TRAPPC9: variants seen among roughly 807,000 people sequenced by gnomAD.
The protein encoded by TRAPPC9 is IKK2 binding protein.
A neutral mutation model predicts 124.0 loss-of-function variants in TRAPPC9; 83 were observed. That is an observed-to-expected ratio of 0.67 (90% confidence interval 0.56 to 0.80). The LOEUF (loss-of-function observed/expected upper bound fraction) is 0.80, where lower values mean the gene tolerates loss of function less well. TRAPPC9 is among the 30% of genes least tolerant of loss of function. The pLI is 0.00. For synonymous variants in TRAPPC9, 638 were observed against 617.5 expected (o/e 1.03, Z -0.49); for missense variants, 1,302 against 1,508.3 (o/e 0.86, Z 2.27).
chr8:139,855,537 C>T (rs192580632), intron 21 of TRAPPC9, among the ~76,000 whole-genome samples: 197 of 152,328 alleles, frequency 1.3e-3, no homozygotes, highest in African/African-American at 4.6e-3. Context: ...AGTGCTTACA[C>T]GACGCGTCAT....
rs765468362 is a variant in TRAPPC9, at chr8:140,426,603, T to C, written c.886+12A>G. 35 of 1,613,234 alleles carry C rather than the reference T, an allele frequency of 2.2e-5. No homozygotes were observed. The highest frequency in any genetic ancestry group is 2.9e-5 in the Non-Finnish European group (34 of 1,179,424). ...AAATAACCAAAAGAAACTAAACACATAGATCATGTACCTGGATCAATGAGA... is the reference window on the plus strand; with the variant it reads ...AAATAACCAAAAGAAACTAAACACACAGATCATGTACCTGGATCAATGAGA... On this transcript the variant is annotated intron_variant, in intron 5 of 22. Transcript: ENST00000438773.
rs755236486 is a variant in TRAPPC9 at position 139,777,917 on chromosome 8, G to A, written c.3056-45715C>T. The stretch of plus-strand genomic sequence containing the variant: ...TGAGGAGCTGGAACTGAGAGTCTAG[G>A]AAGGTGAATGCAGCTAGAGTTTACA... On this transcript the variant is annotated intron_variant, in intron 21 of 22. Transcript: ENST00000438773. Among the ~76,000 whole-genome samples, 4 of 152,168 alleles carry A rather than the reference G, an allele frequency of 2.6e-5. No homozygotes were observed. In the South Asian group the frequency reaches 6.2e-4, roughly 24 times the overall value.
At chr8:139,756,119 A>T (rs1374460495) in intron 21 of TRAPPC9, among the ~76,000 whole-genome samples, 13 of 50,426 alleles carry the variant, frequency 2.6e-4, no homozygotes, top group East Asian at 5.8e-4. Context: ...GGAGCCAGGG[A>T]TTAGGGATGA....
At chr8:140,386,010 A>G (rs2068745826) in intron 7 of TRAPPC9, among the ~76,000 whole-genome samples, 1 of 152,242 alleles carries the variant, frequency 6.6e-6, no homozygotes, top group Non-Finnish European at 1.5e-5. Flanking sequence ...AGGCTGGTTC[A>G]ATATATGCAA....
chr8:140,449,777 G>A (rs2071391943), intron 2 of TRAPPC9, among the ~76,000 whole-genome samples: 1 of 152,180 alleles, frequency 6.6e-6, no homozygotes, highest in South Asian at 2.1e-4. Context: ...ATCCGGAGAC[G>A]TGGGCTCTAC....
intron 13 of TRAPPC9, 38 bp downstream of exon 13, chr8:140,287,570 A>T: frequency 6.2e-7 from 1 of 1,613,306 alleles, no homozygotes; most frequent in Non-Finnish European, 8.5e-7. Context: ...GGTTCAGCAG[A>T]CCCTCCTGAG....
intron 17 of TRAPPC9, among the ~76,000 whole-genome samples, chr8:140,186,191 C>T (rs1327485376): frequency 2.0e-5 from 3 of 152,140 alleles, no homozygotes; most frequent in Non-Finnish European, 2.9e-5. Flanking sequence ...TTTAAAGAAC[C>T]CCATTAAAGA....
intron 10 of TRAPPC9, among the ~76,000 whole-genome samples, chr8:140,310,418 T>C (rs1225929254): frequency 1.3e-5 from 2 of 152,148 alleles, no homozygotes; most frequent in South Asian, 2.1e-4. Context: ...GACAGCAAAA[T>C]GTCAGATTCA....
intron 21 of TRAPPC9, among the ~76,000 whole-genome samples, chr8:139,768,014 T>C (rs915789107): frequency 4.6e-5 from 7 of 152,192 alleles, no homozygotes; most frequent in Admixed American, 1.3e-4. Context: ...GGCAGATTTA[T>C]AATACAACAT....
At chr8:139,848,051 T>TTTACA (rs1191141464) in intron 21 of TRAPPC9, among the ~76,000 whole-genome samples, 2 of 152,232 alleles carry the variant, frequency 1.3e-5, no homozygotes, top group African/African-American at 4.8e-5. Context: ...AGGAGCTCCA[T>TTTACA]AGCCTCTTTC....
At chr8:139,737,461 A>G in intron 21 of TRAPPC9, among the ~76,000 whole-genome samples, 1 of 21,704 alleles carries the variant, frequency 4.6e-5, no homozygotes, top group African/African-American at 1.4e-4. Context: ...GGGGGTCATC[A>G]GCCCTCCCCC....
At chr8:139,809,675 C>G (rs999888240) in intron 21 of TRAPPC9, among the ~76,000 whole-genome samples, 3 of 152,156 alleles carry the variant, frequency 2.0e-5, no homozygotes, top group Non-Finnish European at 4.4e-5. Context: ...CAGAAGCCCC[C>G]ATTCTCTCTT....
chr8:139,815,840 G>A (rs1224028382), intron 21 of TRAPPC9, among the ~76,000 whole-genome samples: 2 of 152,242 alleles, frequency 1.3e-5, no homozygotes, highest in South Asian at 2.1e-4. Flanking sequence ...AGGAGGCTGC[G>A]TGTGCAAACA....
intron 21 of TRAPPC9, among the ~76,000 whole-genome samples, chr8:139,849,398 G>A (rs1159219094): frequency 2.0e-5 from 3 of 152,234 alleles, no homozygotes; most frequent in African/African-American, 4.8e-5. Flanking sequence ...GGGAAAGTCC[G>A]CTGTGTGCCA....
At chr8:139,912,449 G>C (rs544257274) in intron 19 of TRAPPC9, among the ~76,000 whole-genome samples, 14 of 152,238 alleles carry the variant, frequency 9.2e-5, no homozygotes, top group African/African-American at 3.4e-4. Context: ...TGTAGAAAAA[G>C]ACCTGACAAA....
At chr8:140,428,364 T>C (rs1182758266) in intron 4 of TRAPPC9, among the ~76,000 whole-genome samples, 1 of 152,172 alleles carries the variant, frequency 6.6e-6, no homozygotes, top group African/African-American at 2.4e-5. Context: ...GACCAAAATA[T>C]CAGGGTTCAA....
chr8:140,128,032 G>A (rs1403962041), intron 17 of TRAPPC9, among the ~76,000 whole-genome samples: 1 of 152,254 alleles, frequency 6.6e-6, no homozygotes, highest in African/African-American at 2.4e-5. Context: ...AATGATTCAT[G>A]GTGAAGAGCT....
chr8:140,358,551 A>C (rs1187763831), intron 9 of TRAPPC9, among the ~76,000 whole-genome samples: 2 of 152,214 alleles, frequency 1.3e-5, no homozygotes, highest in Non-Finnish European at 2.9e-5. Flanking sequence ...AGAGATGCAC[A>C]CCCCACGTTA....
intron 18 of TRAPPC9, among the ~76,000 whole-genome samples, chr8:140,009,805 G>A (rs373819277): frequency 6.6e-6 from 1 of 152,182 alleles, no homozygotes; most frequent in South Asian, 2.1e-4. Flanking sequence ...TATGCTTCTC[G>A]CCTATCCTTC....
Sources: allele counts gnomAD v4.1 joint callset (sites outside exome capture counted in the v4.1 genomes callset), GRCh38; gene constraint gnomAD v4.1.1; transcripts MANE v1.5; gene names NCBI Gene and HGNC (gene_info 2026-07-23, HGNC 2026-07-21).